SLC22A23: variants seen among roughly 807,000 people sequenced by gnomAD.
SLC22A23 encodes ion transporter protein.
Under a neutral mutation model 61.0 loss-of-function variants are expected in SLC22A23, and 26 were observed. The observed-to-expected ratio is 0.43, with a 90% CI of 0.31 to 0.59. SLC22A23 has a LOEUF of 0.59. Among genes scored for constraint, SLC22A23 ranks in the 20% least tolerant of loss-of-function variants. SLC22A23 has a pLI of 0.11. For synonymous variants in SLC22A23, 430 were observed against 413.9 expected, an observed-to-expected ratio of 1.04 and a Z score of -0.47; for missense variants, 796 against 934.7, an observed-to-expected ratio of 0.85 and a Z score of 1.94.
At chr6:3,356,969 T>C (rs1353149702) in intron 3 of SLC22A23, among the ~76,000 whole-genome samples, 1 of 145,994 alleles carries the variant, frequency 6.8e-6, no homozygotes, top group East Asian at 2.0e-4. Context: ...TGGTTTGTTC[T>C]AAAGGCTGCA....
intron 9 of SLC22A23, among the ~76,000 whole-genome samples, chr6:3,279,006 C>A (rs1759166016): frequency 6.6e-6 from 1 of 152,246 alleles, no homozygotes; most frequent in African/African-American, 2.4e-5. Flanking sequence ...GGAACAAAAG[C>A]CTTGCATTGT....
At chr6:3,433,089 C>G (rs2127541892) in intron 1 of SLC22A23, among the ~76,000 whole-genome samples, 1 of 152,266 alleles carries the variant, frequency 6.6e-6, no homozygotes, top group African/African-American at 2.4e-5. Context: ...GTCATTCTTA[C>G]AAAAAGGGAG....
At chr6:3,396,476 G>A (rs950372536) in intron 3 of SLC22A23, among the ~76,000 whole-genome samples, 5 of 152,198 alleles carry the variant, frequency 3.3e-5, no homozygotes, top group Non-Finnish European at 5.9e-5. Context: ...TTGAACCCGG[G>A]AGGCAGAGGT....
chr6:3,350,949 T>C (rs1416854362), intron 3 of SLC22A23, among the ~76,000 whole-genome samples: 1 of 149,988 alleles, frequency 6.7e-6, no homozygotes, highest in Non-Finnish European at 1.5e-5. Context: ...TATTGACGCA[T>C]TTAATTTGTG....
chr6:3,431,972 T>C (rs911662477), intron 1 of SLC22A23: 1 of 154,638 alleles, frequency 6.5e-6, no homozygotes, highest in East Asian at 1.9e-4. Context: ...CTGGGAGCTC[T>C]TTGCAGAAAA....
intron 3 of SLC22A23, among the ~76,000 whole-genome samples, chr6:3,376,463 T>C (rs1264617096): frequency 6.6e-6 from 1 of 152,128 alleles, no homozygotes; most frequent in Non-Finnish European, 1.5e-5. Context: ...TCAGTAGCTC[T>C]GTGCCTCTTT....
chr6:3,421,265 G>A (rs932255770), intron 1 of SLC22A23, among the ~76,000 whole-genome samples: 1 of 152,194 alleles, frequency 6.6e-6, no homozygotes, highest in Admixed American at 6.5e-5. Context: ...GCAATATGCA[G>A]CACATTACTT....
At chr6:3,312,675 C>T (rs574874790) in intron 4 of SLC22A23, 1 of 152,414 alleles carries the variant, frequency 6.6e-6, no homozygotes, top group Admixed American at 6.5e-5. Flanking sequence ...GCTGGGTCCC[C>T]TTGTCCTCAT....
rs1769141745 is a variant in SLC22A23 at position 3,410,425 on chromosome 6, C to T, written c.759-83G>A. 2 of 1,415,446 alleles carry T rather than the reference C, an allele frequency of 1.4e-6. No homozygotes were observed. The highest frequency in any genetic ancestry group is 1.4e-5 in the South Asian group (1 of 69,708). The allele number at this position is 1,415,446 out of a possible 1,614,324, so 87.7% of individuals were successfully genotyped here. On this transcript the variant is annotated intron_variant, in intron 2 of 9. Transcript: ENST00000406686. The surrounding 1 kb of genome is among the most constrained non-coding windows in gnomAD (Gnocchi z 5.0). The stretch of plus-strand genomic sequence containing the variant: ...ATGCTGAAACCCGGTGTCCAGCAGG[C>T]ACTCAATATATGTTGAATGAGTACT...
intron 3 of SLC22A23, among the ~76,000 whole-genome samples, chr6:3,369,372 A>G (rs978281712): frequency 1.3e-5 from 2 of 152,210 alleles, no homozygotes; most frequent in Non-Finnish European, 2.9e-5. Context: ...AATGTTTTCT[A>G]AAAGTCCATG....
chr6:3,328,776 T>C lies in SLC22A23; in HGVS notation c.914-4774A>G, dbSNP rs1297119463. On this transcript the variant is annotated intron_variant, in intron 3 of 9. Transcript: ENST00000406686. The surrounding 1 kb of genome is among the most constrained non-coding windows in gnomAD (Gnocchi z 5.0). ...GGGCCAATTCCTCGCAGAAAATCTCTAAATATCTCCTGTTGTTTCCTCTTC... is the reference window on the plus strand; with the variant it reads ...GGGCCAATTCCTCGCAGAAAATCTCCAAATATCTCCTGTTGTTTCCTCTTC... Among the ~76,000 whole-genome samples, 1 of 152,076 alleles carries C rather than the reference T, an allele frequency of 6.6e-6. No homozygotes were observed. The highest frequency in any genetic ancestry group is 6.5e-5 in the Admixed American group (1 of 15,280).
chr6:3,326,365 T>C (rs1763283348), intron 3 of SLC22A23, among the ~76,000 whole-genome samples: 1 of 152,210 alleles, frequency 6.6e-6, no homozygotes, highest in Non-Finnish European at 1.5e-5. Flanking sequence ...TCGCATGCGA[T>C]CACATGCGAG....
At chr6:3,435,363 T>C (rs1771137415) in intron 1 of SLC22A23, among the ~76,000 whole-genome samples, 1 of 151,062 alleles carries the variant, frequency 6.6e-6, no homozygotes, top group South Asian at 2.1e-4. Context: ...CTGCTCCCCT[T>C]CCCCTCTCCG....
At chr6:3,389,326 G>T (rs937526894) in intron 3 of SLC22A23, among the ~76,000 whole-genome samples, 2 of 150,452 alleles carry the variant, frequency 1.3e-5, no homozygotes, top group African/African-American at 4.9e-5. Flanking sequence ...GGGCTGAATG[G>T]CATGACAGAA....
At chr6:3,344,775 A>G (rs1244476207) in intron 3 of SLC22A23, among the ~76,000 whole-genome samples, 3 of 152,240 alleles carry the variant, frequency 2.0e-5, no homozygotes, top group Non-Finnish European at 4.4e-5. Context: ...TTTGGTCCTT[A>G]TAATTTCAGA....
rs549227158 is a variant in SLC22A23, at chr6:3,387,504, A to G, written c.913+22684T>C. 2.7e-4 allele frequency among the ~76,000 whole-genome samples: 41 copies of G among 152,246 alleles called. No individual in the cohort carries two copies. The highest frequency in any genetic ancestry group is 4.4e-4 in the Non-Finnish European group (30 of 68,042). On this transcript the variant is annotated intron_variant, in intron 3 of 9. Coordinates refer to ENST00000406686, the MANE Select transcript of SLC22A23 (RefSeq NM_015482.2). This position sits in a 1 kb window ranked among gnomAD's most constrained non-coding sequence, Gnocchi z 5.0. ...GCTACATTTAATAGAGTGTTCTGGA[A>G]CAGAAAAAGGACAGTAGAGAAAACA...
intron 3 of SLC22A23, among the ~76,000 whole-genome samples, chr6:3,367,138 T>C (rs559107507): frequency 6.6e-6 from 1 of 152,344 alleles, no homozygotes; most frequent in South Asian, 2.1e-4. Context: ...TTAAAGGAAA[T>C]GCGAAATGCT....
chr6:3,404,469 A>G (rs1768654367), intron 3 of SLC22A23, among the ~76,000 whole-genome samples: 1 of 152,208 alleles, frequency 6.6e-6, no homozygotes. Flanking sequence ...CTATAGAAAG[A>G]AAAGTCCAGG....
In SLC22A23 at chr6:3,324,060, C is replaced by T; in HGVS notation, c.914-58G>A. 3 of 1,580,402 alleles carry T rather than the reference C, an allele frequency of 1.9e-6. No homozygotes were observed. The highest frequency in any genetic ancestry group is 2.6e-6 in the Non-Finnish European group (3 of 1,157,354). On this transcript the variant is annotated intron_variant, in intron 3 of 9. Transcript: ENST00000406686. The surrounding 1 kb of genome is among the most constrained non-coding windows in gnomAD (Gnocchi z 4.3). ...TGCCCTGCTCGACAGCCCGAGAAGT[C>T]CTGGGTGCACCTGGGCCAGTGCACT...
Sources: allele counts gnomAD v4.1 joint callset (sites outside exome capture counted in the v4.1 genomes callset), GRCh38; gene constraint gnomAD v4.1.1; non-coding constraint Gnocchi (gnomAD v3.1); transcripts MANE v1.5; gene names NCBI Gene and HGNC (gene_info 2026-07-23, HGNC 2026-07-21).